TBC1D22A: variants seen among roughly 807,000 people sequenced by gnomAD.
TBC1D22A encodes putative GTPase activator.
In TBC1D22A, 38 loss-of-function variants were observed where a neutral mutation model predicts 60.2. The observed-to-expected ratio is 0.63, with a 90% CI of 0.49 to 0.83. The LOEUF (loss-of-function observed/expected upper bound fraction) is 0.83, where lower values mean the gene tolerates loss of function less well. Among genes scored for constraint, TBC1D22A ranks in the 40% least tolerant of loss-of-function variants. TBC1D22A has a pLI of 0.00. For missense variants in TBC1D22A, 628 were observed against 701.0 expected (o/e 0.90, Z 1.18); for synonymous variants, 302 against 281.7 (o/e 1.07, Z -0.72).
At chr22:46,853,864 T>C (rs1377262279) in intron 4 of TBC1D22A, among the ~76,000 whole-genome samples, 1 of 152,122 alleles carries the variant, frequency 6.6e-6, no homozygotes, top group East Asian at 1.9e-4. Flanking sequence ...CGCAGGCAGT[T>C]TTGGAAAGCA....
At chr22:46,821,425 G>A (rs141883068) in intron 4 of TBC1D22A, among the ~76,000 whole-genome samples, 185 of 152,256 alleles carry the variant, frequency 1.2e-3, no homozygotes, top group African/African-American at 4.0e-3. Context: ...TTGCAGGGCA[G>A]AGCTCTGCAG....
intron 12 of TBC1D22A, among the ~76,000 whole-genome samples, chr22:47,137,905 C>G (rs575726360): frequency 1.3e-5 from 2 of 152,122 alleles, no homozygotes; most frequent in Non-Finnish European, 2.9e-5. Context: ...AAGTTTGCAT[C>G]TCTGAAAGGG....
At chr22:47,167,526 C>T (rs117475239) in intron 12 of TBC1D22A, among the ~76,000 whole-genome samples, 1,581 of 152,286 alleles carry the variant, frequency 0.01, 8 homozygotes, top group Middle Eastern at 0.02. Flanking sequence ...CTTTTGCTCT[C>T]GCAGTTTGGC....
chr22:46,997,779 G>A, intron 10 of TBC1D22A, 70 bp downstream of exon 10: 1 of 1,462,870 alleles, frequency 6.8e-7, no homozygotes, highest in Non-Finnish European at 9.6e-7. Context: ...CGGTGGGACA[G>A]GGAGCTGTCC....
intron 8 of TBC1D22A, among the ~76,000 whole-genome samples, chr22:46,947,759 C>CT (rs2072642048): frequency 6.6e-6 from 1 of 152,014 alleles, no homozygotes; most frequent in Non-Finnish European, 1.5e-5. Flanking sequence ...GGCAGAGACG[C>CT]CTGCCCAAGG....
intron 4 of TBC1D22A, among the ~76,000 whole-genome samples, chr22:46,812,705 A>G (rs910173301): frequency 1.3e-5 from 2 of 152,246 alleles, no homozygotes; most frequent in Non-Finnish European, 2.9e-5. Flanking sequence ...TTGAAGATGC[A>G]GCCAGGTAAC....
chr22:47,152,073 C>G (rs1372652001), intron 12 of TBC1D22A, among the ~76,000 whole-genome samples: 1 of 152,216 alleles, frequency 6.6e-6, no homozygotes, highest in Non-Finnish European at 1.5e-5. Context: ...CTCACCCACT[C>G]TCCTGCGTGT....
At chr22:47,106,511 A>G (rs1376451432) in intron 11 of TBC1D22A, among the ~76,000 whole-genome samples, 1 of 152,240 alleles carries the variant, frequency 6.6e-6, no homozygotes, top group African/African-American at 2.4e-5. Context: ...TAACCAACTT[A>G]GAACAATATA....
chr22:46,793,796 C>T lies in TBC1D22A; in HGVS notation c.415C>T (p.Arg139Trp), dbSNP rs775148519. The T allele has an allele frequency of 1.2e-5, 19 of 1,597,930 alleles. No homozygotes were observed. The highest frequency in any genetic ancestry group is 5.6e-5 in the South Asian group (5 of 89,438). ...GCCCTCACCCCCCAGCGGCGACCTC[C>T]GGCTGGTGAAGTCGGTCAGTGAGAG... Reference protein sequence around the residue: ...EPPSPPSGDLRLVKSVSESHT... With the variant: ...EPPSPPSGDLWLVKSVSESHT... Residue 139 changes from arginine to tryptophan, a missense_variant, in exon 3 of 13, where the codon CGG (arginine) becomes TGG (tryptophan). Coordinates refer to ENST00000337137, the MANE Select transcript of TBC1D22A (RefSeq NM_014346.5).
intron 4 of TBC1D22A, among the ~76,000 whole-genome samples, chr22:46,862,857 T>C (rs2087978558): frequency 6.6e-6 from 1 of 151,966 alleles, no homozygotes; most frequent in Non-Finnish European, 1.5e-5. Flanking sequence ...CTGGGGAGCA[T>C]GGGAGGAAAG....
At chr22:46,981,844 C>T (rs1015700648) in intron 9 of TBC1D22A, among the ~76,000 whole-genome samples, 21 of 152,196 alleles carry the variant, frequency 1.4e-4, no homozygotes, top group African/African-American at 5.1e-4. Context: ...TCTGGGAGGA[C>T]GTGTACTGCA....
chr22:47,162,686 G>A (rs2068038561), intron 12 of TBC1D22A, among the ~76,000 whole-genome samples: 1 of 47,232 alleles, frequency 2.1e-5, no homozygotes, highest in Admixed American at 2.4e-4. Context: ...GAGAGTCGTG[G>A]GAATGGGACT....
chr22:46,907,050 C>T (rs2069534004), intron 7 of TBC1D22A, among the ~76,000 whole-genome samples: 2 of 150,942 alleles, frequency 1.3e-5, no homozygotes, highest in Non-Finnish European at 2.9e-5. Flanking sequence ...CTTCTGTGTG[C>T]ATGTGCTCTT....
intron 10 of TBC1D22A, among the ~76,000 whole-genome samples, chr22:47,004,952 A>G (rs971711866): frequency 6.6e-5 from 10 of 151,626 alleles, no homozygotes; most frequent in Admixed American, 3.9e-4. Context: ...ATATACACAT[A>G]CCCTTACATC....
Position 47,068,238 on chromosome 22 carries a change from A to C in TBC1D22A, c.1329+31040A>C, listed in dbSNP as rs146042974. Among the ~76,000 whole-genome samples, 938 of 152,322 alleles carry C rather than the reference A, an allele frequency of 6.2e-3. 8 individuals are homozygous for C. Among genetic ancestry groups the C allele is most frequent in the Non-Finnish European group, 9.1e-3 (617 of 68,030 alleles). On this transcript the variant is annotated intron_variant, in intron 11 of 12. Transcript: ENST00000337137. ...CATCCATGGCACCACTGTCGAGGGG[A>C]GAGGAGCCGTTGCCCCCAGGGCTCT...
chr22:46,938,167 G>T (rs1364976335), intron 8 of TBC1D22A, among the ~76,000 whole-genome samples: 2 of 152,304 alleles, frequency 1.3e-5, no homozygotes, highest in African/African-American at 4.8e-5. Flanking sequence ...TTCCAGTCCT[G>T]CACGCCCCAC....
In TBC1D22A at chr22:47,175,118, T is replaced by C. The variant is rs1200520944; in HGVS notation, c.*1492T>C. Reference sequence around the variant, plus strand: ...GTGGGACATACAGGCATAAGTGATGTGTGTGTTTCTGCTTCTGTTTTAAAA... The same window carrying C: ...GTGGGACATACAGGCATAAGTGATGCGTGTGTTTCTGCTTCTGTTTTAAAA... On this transcript the variant is annotated 3_prime_UTR_variant, in exon 13 of 13. Transcript: ENST00000337137. 1 of 152,308 alleles carries C rather than the reference T, an allele frequency of 6.6e-6. No homozygotes were observed. The highest frequency in any genetic ancestry group is 2.4e-5 in the African/African-American group (1 of 41,466). The allele number at this position is 152,308 out of a possible 1,614,324, so 9.4% of individuals were successfully genotyped here.
At chr22:46,964,967 A>G (rs2073726981) in intron 8 of TBC1D22A, among the ~76,000 whole-genome samples, 1 of 152,208 alleles carries the variant, frequency 6.6e-6, no homozygotes, top group Non-Finnish European at 1.5e-5. Context: ...GCTGGGATGT[A>G]AGCAGCACCC....
At chr22:47,097,499 A>C (rs1001446823) in intron 11 of TBC1D22A, among the ~76,000 whole-genome samples, 2 of 152,092 alleles carry the variant, frequency 1.3e-5, no homozygotes, top group Admixed American at 6.5e-5. Context: ...CTGTTATCCC[A>C]GCTACTTGGG....
Sources: gnomAD v4.1 joint callset for allele counts (sites outside exome capture counted in the v4.1 genomes callset) on GRCh38, gnomAD v4.1.1 for gene constraint, MANE v1.5 for transcripts, NCBI Gene and HGNC (gene_info 2026-07-23, HGNC 2026-07-21) for gene names.